Variants in CDO1 observed in about 807,000 individuals in gnomAD.
CDO1 encodes cysteine dioxygenase, type I.
In CDO1, 19 loss-of-function variants were observed where a neutral mutation model predicts 24.5. The observed-to-expected ratio is 0.77, with a 90% confidence interval of 0.54 to 1.14. CDO1 has a LOEUF of 1.14. CDO1 is among the 50% of genes most tolerant of loss of function. CDO1 has a pLI of 0.00. For missense variants in CDO1, 244 were observed against 244.8 expected (o/e 1.00, Z 0.02); for synonymous variants, 91 against 87.0 (o/e 1.05, Z -0.26).
Position 115,811,181 on chromosome 5 carries a change from T to C in CDO1, c.383A>G (p.Asn128Ser), listed in dbSNP as rs1481820485. The C allele has an allele frequency of 1.2e-6, 2 of 1,613,632 alleles. No homozygotes were observed. The highest frequency in any genetic ancestry group is 1.3e-5 in the African/African-American group (1 of 74,928). Residue 128 changes from asparagine (N) to serine (S), a missense_variant, in exon 3 of 5, where the codon AAC becomes AGC. By Grantham distance (46) the Asn-to-Ser change is conservative. Transcript: ENST00000250535. ...GTTACCATTGATGTAGGCACACTGG[T>C]TTTCCCTCAAGACTCTTTCAGACTT... ...VKKSERVLRENQCAYINDSIG... is the reference protein window; with the variant it reads ...VKKSERVLRESQCAYINDSIG...
intron 3 of CDO1, 134 bp downstream of exon 3, chr5:115,811,027 A>T: frequency 1.1e-6 from 1 of 875,722 alleles, no homozygotes; most frequent in Non-Finnish European, 1.8e-6. Flanking sequence ...TGCTATGTTT[A>T]AGTCATTTCC....
chr5:115,816,475 C>A lies in CDO1; in HGVS notation c.-78G>T. ...GCTGAGCGAGCCAAGGAGCTGGGGG[C>A]GAGGGAGCCTAACAGCCCGCTAGAC... On this transcript the variant is annotated 5_prime_UTR_variant, in exon 1 of 5. Coordinates refer to ENST00000250535, the MANE Select transcript of CDO1 (RefSeq NM_001801.3). 1.3e-6 allele frequency: 2 copies of A among 1,519,884 alleles called. No individual in the cohort carries two copies. Among genetic ancestry groups the A allele is most frequent in the South Asian group, 1.2e-5 (1 of 85,464 alleles). 94.1% of individuals were successfully genotyped at this position (1,519,884 alleles called of 1,614,324 possible).
intron 3 of CDO1, among the ~76,000 whole-genome samples, chr5:115,807,267 C>T (rs1759987446): frequency 6.6e-6 from 1 of 152,186 alleles, no homozygotes; most frequent in Admixed American, 6.5e-5. Flanking sequence ...AAGAAAAAAG[C>T]TTTAAAGATA....
chr5:115,811,034 T>G, intron 3 of CDO1, 127 bp downstream of exon 3: 1 of 922,758 alleles, frequency 1.1e-6, no homozygotes, highest in Non-Finnish European at 1.7e-6. Context: ...TTTAAGTCAT[T>G]TCCCAAGTAT....
Position 115,816,221 on chromosome 5 carries a change from C to A in CDO1, c.170+7G>T. On this transcript the variant is annotated splice_region_variant and intron_variant, in intron 1 of 4. Coordinates refer to ENST00000250535, the MANE Select transcript of CDO1 (RefSeq NM_001801.3). ...GCCGCCTGGCATTGAAGCTGCAGCG[C>A]GCTCACCTGTACTGGTCGAACTTGG... 6.2e-7 allele frequency: 1 copy of A among 1,611,238 alleles called. No homozygotes were observed. Among genetic ancestry groups the A allele is most frequent in the Non-Finnish European group, 8.5e-7 (1 of 1,178,386 alleles).
At chr5:115,811,840 C>A (rs1367228175) in intron 2 of CDO1, among the ~76,000 whole-genome samples, 1 of 152,162 alleles carries the variant, frequency 6.6e-6, no homozygotes, top group African/African-American at 2.4e-5. Flanking sequence ...ATGTGTATTA[C>A]CATCCTAAAG....
At chr5:115,807,609 G>C (rs1224939687) in intron 3 of CDO1, among the ~76,000 whole-genome samples, 1 of 151,438 alleles carries the variant, frequency 6.6e-6, no homozygotes, top group Non-Finnish European at 1.5e-5. Flanking sequence ...ACCAGAAAAG[G>C]GTTGGCAGGA....
At chr5:115,814,656 G>A (rs1202293827) in intron 1 of CDO1, among the ~76,000 whole-genome samples, 2 of 152,142 alleles carry the variant, frequency 1.3e-5, no homozygotes, top group Non-Finnish European at 2.9e-5. Flanking sequence ...TTTGTCAATC[G>A]AGACTAGTTC....
intron 1 of CDO1, 97 bp downstream of exon 1, chr5:115,816,131 T>G: frequency 7.8e-7 from 1 of 1,287,668 alleles, no homozygotes; most frequent in East Asian, 2.6e-5. Context: ...GGCCCGAGCT[T>G]CCCGAGCCAG....
At chr5:115,811,116 T>G in intron 3 of CDO1, 45 bp downstream of exon 3, 1 of 1,561,398 alleles carries the variant, frequency 6.4e-7, no homozygotes, top group African/African-American at 1.4e-5. Flanking sequence ...AGACAAAAGG[T>G]CATGGTTCTT....
chr5:115,806,575 T>TA, intron 3 of CDO1, 57 bp from the exon 4 acceptor site: 1 of 1,326,190 alleles, frequency 7.5e-7, no homozygotes. Flanking sequence ...CAGCTGTAGG[T>TA]AAAATCTCTG....
intron 3 of CDO1, among the ~76,000 whole-genome samples, chr5:115,807,282 C>T (rs1759987947): frequency 6.6e-6 from 1 of 152,144 alleles, no homozygotes; most frequent in Non-Finnish European, 1.5e-5. Flanking sequence ...AAGATATTGT[C>T]GCTGGAAGTT....
chr5:115,807,791 G>C (rs1052936517), intron 3 of CDO1, among the ~76,000 whole-genome samples: 6 of 151,666 alleles, frequency 4.0e-5, no homozygotes, highest in African/African-American at 1.5e-4. Context: ...TGAGTCGAAG[G>C]ACACGAATTC....
In CDO1 at chr5:115,806,391, G is replaced by A. The variant is rs1759945374; in HGVS notation, c.531C>T (p.Val177=). Residue 177 remains valine, a synonymous_variant, in exon 4 of 5, where the codon GTC becomes GTT. Coordinates refer to ENST00000250535, the MANE Select transcript of CDO1 (RefSeq NM_001801.3). ...FDQRTGHKNK[V]TMTFHSKFGI... ...CAAATTTACTATGGAATGTCATTGT[G>A]ACTTTGTTTTTATGTCCTGTTCTTT... 1 of 1,608,370 alleles carries A rather than the reference G, an allele frequency of 6.2e-7. No homozygotes were observed. Among genetic ancestry groups the A allele is most frequent in the East Asian group, 2.2e-5 (1 of 44,734 alleles).
chr5:115,810,146 A>T (rs754215927), intron 3 of CDO1, among the ~76,000 whole-genome samples: 21 of 152,186 alleles, frequency 1.4e-4, no homozygotes, highest in Non-Finnish European at 2.2e-4. Flanking sequence ...CAGACAACAG[A>T]ATTTTCTTGG....
chr5:115,806,317 G>C, intron 4 of CDO1, 32 bp downstream of exon 4: 1 of 1,534,672 alleles, frequency 6.5e-7, no homozygotes. Context: ...CCAACCTACA[G>C]AGCATTTAAA....
At chr5:115,811,941 A>AT (rs1760206738) in intron 2 of CDO1, among the ~76,000 whole-genome samples, 1 of 152,208 alleles carries the variant, frequency 6.6e-6, no homozygotes, top group African/African-American at 2.4e-5. Context: ...AGTTAATTGG[A>AT]TTTGAGGAAA....
At chr5:115,808,886 T>A (rs1760066456) in intron 3 of CDO1, among the ~76,000 whole-genome samples, 2 of 152,234 alleles carry the variant, frequency 1.3e-5, no homozygotes, top group South Asian at 4.1e-4. Context: ...TTCTTCTTTA[T>A]GATCTAGCTC....
rs1760429286 is a variant in CDO1 at position 115,816,119 on chromosome 5, G to A, written c.170+109C>T. 4 of 998,282 alleles carry A rather than the reference G, an allele frequency of 4.0e-6. No individual in the cohort carries two copies. The South Asian group carries it at 4.7e-5, about 12-fold the overall frequency. The allele number at this position is 998,282 out of a possible 1,614,324, so 61.8% of individuals were successfully genotyped here. On this transcript the variant is annotated intron_variant, in intron 1 of 4. Transcript: ENST00000250535. Reference sequence around the variant, plus strand: ...CGAGGGGGCGAGCGGCGGACGCAGCGCGGCCCGAGCTTCCCGAGCCAGTCA... The same window carrying A: ...CGAGGGGGCGAGCGGCGGACGCAGCACGGCCCGAGCTTCCCGAGCCAGTCA...
Sources: gnomAD v4.1 joint callset for allele counts (sites outside exome capture counted in the v4.1 genomes callset) on GRCh38, gnomAD v4.1.1 for gene constraint, MANE v1.5 for transcripts, NCBI Gene and HGNC (gene_info 2026-07-23, HGNC 2026-07-21) for gene names.